Variants in DRC2 observed in about 807,000 individuals in gnomAD.
DRC2 encodes dynein regulatory complex subunit 2.
chr12:48,914,467 C>T, the DRC2 span: 9 of 1,614,198 alleles, frequency 5.6e-6, no homozygotes, highest in Non-Finnish European at 5.1e-6. Context: ...CAGCCACTTG[C>T]ACAATGTTGA....
chr12:48,918,921 A>G, the DRC2 span: 2 of 1,596,452 alleles, frequency 1.3e-6, no homozygotes, highest in South Asian at 1.1e-5. Context: ...AGGGGAGAGG[A>G]CTATCAGAAT....
chr12:48,909,459 T>TTTCTTA, the DRC2 span, among the ~76,000 whole-genome samples: 1 of 152,216 alleles, frequency 6.6e-6, no homozygotes, highest in East Asian at 1.9e-4. Flanking sequence ...CCTGGCAAAC[T>TTTCTTA]TTCTTATTAT....
the DRC2 span, among the ~76,000 whole-genome samples, chr12:48,920,447 A>ATT: frequency 2.4e-4 from 32 of 134,226 alleles, 1 homozygote; most frequent in East Asian, 3.9e-4. Flanking sequence ...ATCTTAAAAA[A>ATT]AAAAAAAAAA....
At chr12:48,911,693 T>C in the DRC2 span, among the ~76,000 whole-genome samples, 1 of 152,140 alleles carries the variant, frequency 6.6e-6, no homozygotes, top group African/African-American at 2.4e-5. Context: ...CTCAAACCCT[T>C]GCTTCAGATG....
chr12:48,919,390 G>A, the DRC2 span, among the ~76,000 whole-genome samples: 6 of 151,700 alleles, frequency 4.0e-5, no homozygotes, highest in African/African-American at 1.5e-4. Flanking sequence ...GTAGAGATGG[G>A]GTTTCGCCAT....
At chr12:48,919,474 A>T in the DRC2 span, among the ~76,000 whole-genome samples, 1 of 151,824 alleles carries the variant, frequency 6.6e-6, no homozygotes, top group Non-Finnish European at 1.5e-5. Flanking sequence ...CTGGGATTAC[A>T]GGCATGAGCC....
At chr12:48,920,981 GAAGA>G in the DRC2 span, 1 of 1,613,554 alleles carries the variant, frequency 6.2e-7, no homozygotes. Context: ...TGAAACCGAA[GAAGA>G]AAAAGTGCTG....
the DRC2 span, among the ~76,000 whole-genome samples, chr12:48,906,629 G>A: frequency 4.0e-5 from 6 of 150,712 alleles, no homozygotes; most frequent in South Asian, 2.1e-4. Flanking sequence ...ACAGTGGCGC[G>A]ATCTCGGCTC....
chr12:48,917,788 G>A, the DRC2 span, among the ~76,000 whole-genome samples: 24 of 152,212 alleles, frequency 1.6e-4, no homozygotes, highest in African/African-American at 5.5e-4. Context: ...TAGGTCTCCT[G>A]CCCCTTGATC....
chr12:48,912,346 C>T, the DRC2 span, among the ~76,000 whole-genome samples: 1 of 145,958 alleles, frequency 6.9e-6, no homozygotes, highest in Non-Finnish European at 1.5e-5. Context: ...AGGAGAATGG[C>T]GTGAACCCGG....
At chr12:48,907,012 G>A in the DRC2 span, among the ~76,000 whole-genome samples, 4 of 151,556 alleles carry the variant, frequency 2.6e-5, no homozygotes, top group African/African-American at 4.8e-5. Context: ...TCAGGAGATC[G>A]AGACCATCCT....
the DRC2 span, among the ~76,000 whole-genome samples, chr12:48,912,588 A>G: frequency 3.9e-5 from 6 of 152,132 alleles, no homozygotes; most frequent in Non-Finnish European, 8.8e-5. Context: ...TGGGACTGGC[A>G]TAGTGTCACT....
At chr12:48,915,825 G>A in the DRC2 span, among the ~76,000 whole-genome samples, 6 of 148,364 alleles carry the variant, frequency 4.0e-5, no homozygotes, top group South Asian at 1.1e-3. Flanking sequence ...CGGGCGGAGA[G>A]GCTCCTCACT....
At chr12:48,904,423 G>C in the DRC2 span, 2 of 1,614,098 alleles carry the variant, frequency 1.2e-6, no homozygotes, top group Non-Finnish European at 1.7e-6. Context: ...TGGCAGAGGA[G>C]GAGATGGCCA....
At chr12:48,904,515 G>C in the DRC2 span, 1 of 1,576,492 alleles carries the variant, frequency 6.3e-7, no homozygotes, top group Admixed American at 1.9e-5. Flanking sequence ...TCCACCCCCT[G>C]CCCTGGCCCT....
At chr12:48,918,035 A>C in the DRC2 span, 3 of 461,900 alleles carry the variant, frequency 6.5e-6, no homozygotes, top group Non-Finnish European at 1.2e-5. Flanking sequence ...GCTCACGTGG[A>C]GCTCAGTGAC....
At chr12:48,906,210 G>A in the DRC2 span, among the ~76,000 whole-genome samples, 1 of 152,114 alleles carries the variant, frequency 6.6e-6, no homozygotes, top group Non-Finnish European at 1.5e-5. Flanking sequence ...CAGACCCTGG[G>A]CAGCTTCCAG....
the DRC2 span, among the ~76,000 whole-genome samples, chr12:48,920,156 T>A: frequency 4.3e-5 from 6 of 139,838 alleles, no homozygotes; most frequent in Admixed American, 1.4e-4. Flanking sequence ...AATGAATGAG[T>A]TTTGGCTGGG....
chr12:48,918,330 T>G, the DRC2 span: 1 of 1,614,198 alleles, frequency 6.2e-7, no homozygotes, highest in Non-Finnish European at 8.5e-7. Flanking sequence ...GTAGAAGATC[T>G]GTGGAGAAAG....
Sources: gnomAD v4.1 joint callset for allele counts (sites outside exome capture counted in the v4.1 genomes callset) on GRCh38, gnomAD v4.1.1 for gene constraint, MANE v1.5 for transcripts, NCBI Gene and HGNC (gene_info 2026-07-23, HGNC 2026-07-21) for gene names.